KIF1A: variants seen among roughly 807,000 people sequenced by gnomAD.
The protein encoded by KIF1A is kinesin-like protein KIF1A.
In KIF1A, 46 loss-of-function variants were observed where a neutral mutation model predicts 227.3. The ratio of observed to expected loss-of-function variants is 0.20; its 90% CI spans 0.16 to 0.26. The LOEUF is 0.26. KIF1A is among the 10% of genes least tolerant of loss of function. The pLI, the probability that KIF1A is intolerant of heterozygous loss-of-function variation, is 1.00. For synonymous variants in KIF1A, 1,022 were observed against 1,012.8 expected, an observed-to-expected ratio of 1.01 and a Z score of -0.17; for missense variants, 1,683 against 2,485.9, an observed-to-expected ratio of 0.68 and a Z score of 6.87.
upstream of KIF1A, among the ~76,000 whole-genome samples, chr2:240,821,139 G>A (rs1393604621): frequency 6.6e-6 from 1 of 152,172 alleles, no homozygotes; most frequent in Non-Finnish European, 1.5e-5. Context: ...CCCGCACTGC[G>A]GTGCGGGGGT....
intron 1 of KIF1A, among the ~76,000 whole-genome samples, chr2:240,819,572 C>A (rs1418053747): frequency 6.6e-6 from 1 of 150,954 alleles, no homozygotes; most frequent in African/African-American, 2.4e-5. Flanking sequence ...ACCCCGGGAA[C>A]CGGAGCAGCT....
chr2:240,797,722 G>T lies in KIF1A; in HGVS notation c.31C>A (p.Arg11=), dbSNP rs548204329. The part of the protein sequence containing the change: MAGASVKVAV[R]VRPFNSREMS... ...TCCCGGGAATTGAAGGGGCGGACCC[G>T]CACCGCCACCTTCACCGAAGCCCCG... Residue 11 remains arginine, a synonymous_variant, in exon 2 of 49, where the codon CGG becomes AGG. Coordinates refer to ENST00000498729, the MANE Select transcript of KIF1A (RefSeq NM_001244008.2). 1.9e-6 allele frequency: 3 copies of T among 1,611,478 alleles called. No individual in the cohort carries two copies. The East Asian group carries it at 6.7e-5, about 36-fold the overall frequency.
In KIF1A at chr2:240,761,223, G is replaced by T; in HGVS notation, c.2265+6C>A. 1.9e-6 allele frequency: 3 copies of T among 1,610,364 alleles called. No homozygotes were observed. Among genetic ancestry groups the T allele is most frequent in the Non-Finnish European group, 2.5e-6 (3 of 1,177,900 alleles). On this transcript the variant is annotated splice_donor_region_variant and intron_variant, in intron 24 of 48. Transcript: ENST00000498729. ...CAGGAAACGGTACAGCCAGTGGGCA[G>T]CCCACCTTCTTTTTCAGCTCCACGC... is the stretch of plus-strand genomic sequence containing the variant.
rs757286820 is a variant in KIF1A at position 240,787,311 on chromosome 2, G to A, written c.369C>T (p.Cys123=). The change falls in exon 5 of 49, where the codon TGC becomes TGT. Residue 123 remains cysteine, a synonymous_variant. Coordinates refer to ENST00000498729, the MANE Select transcript of KIF1A (RefSeq NM_001244008.2). The part of the protein sequence containing the change: ...KDQQGIIPQL[C]EDLFSRINDT... Reference sequence around the variant, plus strand: ...CGTTGATCCGAGAGAAGAGGTCCTCGCAGAGCTGCAGGAATGGGGGGACAG... The same window carrying A: ...CGTTGATCCGAGAGAAGAGGTCCTCACAGAGCTGCAGGAATGGGGGGACAG... The A allele has an allele frequency of 3.1e-5, 50 of 1,612,852 alleles. No individual in the cohort carries two copies. The highest frequency in any genetic ancestry group is 6.7e-5 in the African/African-American group (5 of 74,900).
At chr2:240,754,227 C>T (rs929424394) in intron 27 of KIF1A, among the ~76,000 whole-genome samples, 1 of 152,190 alleles carries the variant, frequency 6.6e-6, no homozygotes, top group Non-Finnish European at 1.5e-5. Flanking sequence ...ATGAAAAGGA[C>T]CCCGGAGGTC....
In KIF1A at chr2:240,788,046, CG is replaced by C; in HGVS notation, c.363+4del. The C allele has an allele frequency of 8.5e-7, 1 of 1,173,798 alleles. No individual in the cohort carries two copies. The highest frequency in any genetic ancestry group is 1.2e-6 in the Non-Finnish European group (1 of 827,396). 72.7% of individuals were successfully genotyped at this position (1,173,798 alleles called of 1,614,324 possible). On this transcript the variant is annotated splice_donor_region_variant and intron_variant, in intron 4 of 48. Transcript: ENST00000498729. This position sits in a 1 kb window ranked among gnomAD's most constrained non-coding sequence, Gnocchi z 6.6. ...GGCTGCCCCCGCCCGCCCCCCGCTT[CG>C]TGCCTGTGGGATGATGCCCTGCTGG...
chr2:240,780,506 T>G (rs1360552687), intron 10 of KIF1A, among the ~76,000 whole-genome samples: 3 of 152,000 alleles, frequency 2.0e-5, no homozygotes, highest in Non-Finnish European at 2.9e-5. Context: ...CTCACACGGT[T>G]TCTCACATAC....
rs992783934 is a variant in KIF1A at position 240,740,453 on chromosome 2, A to G, written c.3750-89T>C. 2 of 1,116,174 alleles carry G rather than the reference A, an allele frequency of 1.8e-6. No homozygotes were observed. Among genetic ancestry groups the G allele is most frequent in the African/African-American group, 1.5e-5 (1 of 65,114 alleles). 69.1% of individuals were successfully genotyped at this position (1,116,174 alleles called of 1,614,324 possible). A position where few individuals can be genotyped will look rare whatever the true frequency, so the allele number is the denominator to read the frequency against. ...GGACACAGTGGACGGGAGCAAAAAC[A>G]GGGAAAAGTCAGCAGCTCCCTCTGG... is the stretch of plus-strand genomic sequence containing the variant. On this transcript the variant is annotated intron_variant, in intron 35 of 48. Coordinates refer to ENST00000498729, the MANE Select transcript of KIF1A (RefSeq NM_001244008.2). This position sits in a 1 kb window ranked among gnomAD's most constrained non-coding sequence, Gnocchi z 6.1.
At chr2:240,720,780 CTCA>C in intron 45 of KIF1A, 131 bp downstream of exon 45, 2 of 1,137,128 alleles carry the variant, frequency 1.8e-6, no homozygotes, top group East Asian at 5.3e-5. Context: ...AGGCCCTTCC[CTCA>C]GCCTGTGGCC....
In KIF1A at chr2:240,745,528, G is replaced by A. The variant is rs767816736; in HGVS notation, c.3375-11C>T. ...TGGCGGTGGATGAAGCTGCAAAGCAGAGGAGATGCTTTGGTGTGGGGTGGG... is the reference window on the plus strand; with the variant it reads ...TGGCGGTGGATGAAGCTGCAAAGCAAAGGAGATGCTTTGGTGTGGGGTGGG... On this transcript the variant is annotated splice_polypyrimidine_tract_variant and intron_variant, in intron 31 of 48. Coordinates refer to ENST00000498729, the MANE Select transcript of KIF1A (RefSeq NM_001244008.2). 6.2e-7 allele frequency: 1 copy of A among 1,600,648 alleles called. No homozygotes were observed. The highest frequency in any genetic ancestry group is 8.5e-7 in the Non-Finnish European group (1 of 1,170,138).
At chr2:240,785,209 A>G in intron 6 of KIF1A, 109 bp from the exon 7 acceptor site, 1 of 897,710 alleles carries the variant, frequency 1.1e-6, no homozygotes, top group Non-Finnish European at 1.8e-6. Flanking sequence ...CAGTTCCCCC[A>G]GACCCCAGGG....
At chr2:240,746,685 CACCTGAG>C (rs149419625) in intron 29 of KIF1A, among the ~76,000 whole-genome samples, 2,998 of 152,270 alleles carry the variant, frequency 0.02, 74 homozygotes, top group African/African-American at 0.068. Flanking sequence ...GGACAGGAGC[CACCTGAG>C]TGTGGCATGG....
chr2:240,727,544 C>G (rs1483440683), intron 38 of KIF1A, among the ~76,000 whole-genome samples: 1 of 152,216 alleles, frequency 6.6e-6, no homozygotes, highest in Non-Finnish European at 1.5e-5. Context: ...AGAGGAAGGC[C>G]CCGGGGGGAG....
intron 11 of KIF1A, 119 bp from the exon 12 acceptor site, chr2:240,774,380 G>C: frequency 2.2e-6 from 1 of 457,608 alleles, no homozygotes; most frequent in Non-Finnish European, 4.1e-6. Flanking sequence ...GGTAAACTGA[G>C]TCACAGGCTT....
intron 29 of KIF1A, 76 bp from the exon 30 acceptor site, chr2:240,746,253 C>A: frequency 6.6e-7 from 1 of 1,510,162 alleles, no homozygotes; most frequent in Non-Finnish European, 8.9e-7. Context: ...TGCCACAGGC[C>A]CACGGGAGGG....
At chr2:240,814,019 A>G (rs1170957155) in intron 1 of KIF1A, among the ~76,000 whole-genome samples, 1 of 152,244 alleles carries the variant, frequency 6.6e-6, no homozygotes, top group African/African-American at 2.4e-5. Flanking sequence ...ATGAAGTACA[A>G]GATTCCAAAA....
intron 42 of KIF1A, 126 bp downstream of exon 42, chr2:240,723,287 G>A: frequency 1.1e-6 from 1 of 892,506 alleles, no homozygotes. Context: ...GCAGGTGGCT[G>A]TGACTCCCAA....
In KIF1A at chr2:240,757,251, G is replaced by A. The variant is rs1296817899; in HGVS notation, c.2858+68C>T. 29 of 1,445,198 alleles carry A rather than the reference G, an allele frequency of 2.0e-5. 1 individual carries two copies. In the South Asian group the frequency reaches 3.5e-4, roughly 17 times the overall value. The allele number at this position is 1,445,198 out of a possible 1,614,324, so 89.5% of individuals were successfully genotyped here. Reference sequence around the variant, plus strand: ...GGCCAGGCCCCAGCGGTTCCTCTGTGCCCGCAGCAGTGCTCCTGTGCAAAA... The same window carrying A: ...GGCCAGGCCCCAGCGGTTCCTCTGTACCCGCAGCAGTGCTCCTGTGCAAAA... On this transcript the variant is annotated intron_variant, in intron 27 of 48. Transcript: ENST00000498729. The surrounding 1 kb of genome is among the most constrained non-coding windows in gnomAD (Gnocchi z 6.2).
intron 23 of KIF1A, among the ~76,000 whole-genome samples, chr2:240,761,723 T>C (rs1438932702): frequency 6.6e-6 from 1 of 152,152 alleles, no homozygotes; most frequent in African/African-American, 2.4e-5. Context: ...TCTGTCACAG[T>C]GAGCAACATG....
Sources: gnomAD v4.1 joint callset for allele counts (sites outside exome capture counted in the v4.1 genomes callset) on GRCh38, gnomAD v4.1.1 for gene constraint, Gnocchi (gnomAD v3.1) non-coding constraint, MANE v1.5 for transcripts, NCBI Gene and HGNC (gene_info 2026-07-23, HGNC 2026-07-21) for gene names.